The following RYR2 variants were observed in gnomAD, a reference collection of about 807,000 sequenced individuals.
RYR2 encodes the protein ryanodine receptor 2, also known as cardiac muscle ryanodine receptor-calcium release channel.
Under a neutral mutation model 601.1 loss-of-function variants are expected in RYR2, and 227 were observed. The ratio of observed to expected loss-of-function variants is 0.38; its 90% CI spans 0.34 to 0.42. RYR2 has a LOEUF of 0.42. RYR2 is among the 10% of genes least tolerant of loss of function. RYR2 has a pLI of 1.00. For missense variants in RYR2, 4,646 were observed against 6,156.5 expected (o/e 0.75, Z 8.21); for synonymous variants, 2,223 against 2,175.1 (o/e 1.02, Z -0.61).
At chr1:237,466,427 A>G (rs1660093757) in intron 16 of RYR2, among the ~76,000 whole-genome samples, 1 of 152,130 alleles carries the variant, frequency 6.6e-6, no homozygotes, top group Non-Finnish European at 1.5e-5. Flanking sequence ...CTTGGCTCCC[A>G]AAGTACTGGG....
At chr1:237,797,962 G>T (rs1659456073) in intron 96 of RYR2, 75 bp from the exon 97 acceptor site, 2 of 1,269,330 alleles carry the variant, frequency 1.6e-6, no homozygotes, top group African/African-American at 3.1e-5. Flanking sequence ...AAAATAATTA[G>T]ATGTTTTATA....
chr1:237,054,356 G>C (rs1661708988), intron 1 of RYR2, among the ~76,000 whole-genome samples: 2 of 120,720 alleles, frequency 1.7e-5, no homozygotes, highest in African/African-American at 6.4e-5. Flanking sequence ...CATCTGTCAG[G>C]AAAAATGGTA....
intron 17 of RYR2, among the ~76,000 whole-genome samples, chr1:237,482,450 T>C (rs1343911611): frequency 6.7e-6 from 1 of 149,742 alleles, no homozygotes; most frequent in Non-Finnish European, 1.5e-5. Flanking sequence ...AGTGAGAACA[T>C]GTGATGATTG....
At chr1:237,194,637 A>G (rs1169044506) in intron 1 of RYR2, among the ~76,000 whole-genome samples, 3 of 152,334 alleles carry the variant, frequency 2.0e-5, no homozygotes, top group Non-Finnish European at 2.9e-5. Context: ...ACCCTGACCC[A>G]GAGGCGGGTC....
intron 29 of RYR2, among the ~76,000 whole-genome samples, chr1:237,584,049 C>A (rs191259012): frequency 2.0e-5 from 3 of 152,204 alleles, no homozygotes; most frequent in Admixed American, 2.0e-4. Context: ...GATCCACTGC[C>A]AGAATGAAAA....
rs1381076937 is a variant in RYR2 at position 237,493,456 on chromosome 1, T to G, written c.1961+369T>G. Among the ~76,000 whole-genome samples the G allele has an allele frequency of 4.6e-5, 7 of 152,108 alleles. No individual in the cohort carries two copies. In the South Asian group the frequency reaches 1.5e-3, roughly 32 times the overall value. ...AACACTATCCTTCAATATCATTGTTTTTTTCTTTTTTTTTAAGACAGAGTC... is the reference window on the plus strand; with the variant it reads ...AACACTATCCTTCAATATCATTGTTGTTTTCTTTTTTTTTAAGACAGAGTC... On this transcript the variant is annotated intron_variant, in intron 19 of 104. Transcript: ENST00000366574.
Position 237,813,023 on chromosome 1 carries a change from G to A in RYR2, c.14433+3988G>A, listed in dbSNP as rs539076077. 4.0e-5 allele frequency among the ~76,000 whole-genome samples: 6 copies of A among 151,630 alleles called. No homozygotes were observed. In the East Asian group the frequency reaches 1.2e-3, roughly 29 times the overall value. On this transcript the variant is annotated intron_variant, in intron 100 of 104. Coordinates refer to ENST00000366574, the MANE Select transcript of RYR2 (RefSeq NM_001035.3). The stretch of plus-strand genomic sequence containing the variant: ...GCAACACTTTACCCCCTCCTCCCAC[G>A]CCTATTCATTCATTCCAGGCCTAGG...
At chr1:237,441,713 T>C (rs1707917883) in intron 13 of RYR2, among the ~76,000 whole-genome samples, 1 of 152,062 alleles carries the variant, frequency 6.6e-6, no homozygotes. Context: ...AAATATGAAG[T>C]GAAGAAATAT....
chr1:237,084,573 G>A (rs1338096069), intron 1 of RYR2, among the ~76,000 whole-genome samples: 1 of 152,134 alleles, frequency 6.6e-6, no homozygotes, highest in Non-Finnish European at 1.5e-5. Context: ...TGGAAAGGCG[G>A]GGGAGGGGTA....
intron 1 of RYR2, among the ~76,000 whole-genome samples, chr1:237,093,825 C>T (rs1308186560): frequency 6.6e-6 from 1 of 152,198 alleles, no homozygotes; most frequent in Non-Finnish European, 1.5e-5. Flanking sequence ...CTGTGTGCGG[C>T]CTGTGTTTCC....
Position 237,757,744 on chromosome 1 carries a change from A to G in RYR2, c.11293A>G (p.Ile3765Val), listed in dbSNP as rs767346230. 3.1e-6 allele frequency: 5 copies of G among 1,611,946 alleles called. No individual in the cohort carries two copies. In the African/African-American group the frequency reaches 4.0e-5, roughly 13 times the overall value. ...VAATLKLGIA[I>V]LNGGNSTVQQ... ...AGCTACTCTGAAACTTGGAATTGCT[A>G]TTTTAAATGGTGGGAACTCCACAGT... The change falls in exon 82 of 105, where the codon ATT (isoleucine) becomes GTT (valine). Residue 3765 changes from isoleucine to valine, a missense_variant. This residue lies in a region of RYR2 where 1,497 missense variants were observed against 1,842.6 expected (regional missense o/e 0.81). Transcript: ENST00000366574.
chr1:237,661,079 A>G, intron 56 of RYR2, 132 bp downstream of exon 56: 1 of 849,554 alleles, frequency 1.2e-6, no homozygotes, highest in Non-Finnish European at 1.6e-6. Context: ...AAGGGAGAGA[A>G]AAAAGCTATA....
In RYR2 at chr1:237,595,568, A is replaced by G. The variant is rs794728736; in HGVS notation, c.4507A>G (p.Asn1503Asp). Reference protein sequence around the residue: ...SMSPGQGRNNNGLEIGCVVDA... With the variant: ...SMSPGQGRNNDGLEIGCVVDA... ...GAGCCCCGGGCAAGGACGCAACAAT[A>G]ATGGACTGGAGATTGGCTGTGTGGT... The change falls in exon 34 of 105, where the codon AAT becomes GAT. Residue 1503 changes from asparagine to aspartate, a missense_variant. By Grantham distance (23) the Asn-to-Asp change is conservative. This residue lies in a region of RYR2 where 1,807 missense variants were observed against 2,088.1 expected (regional missense o/e 0.87). Coordinates refer to ENST00000366574, the MANE Select transcript of RYR2 (RefSeq NM_001035.3). 2 of 1,613,508 alleles carry G rather than the reference A, an allele frequency of 1.2e-6. No homozygotes were observed. The highest frequency in any genetic ancestry group is 1.7e-6 in the Non-Finnish European group (2 of 1,179,732).
chr1:237,757,874 A>G (rs1573828528), intron 82 of RYR2, 98 bp downstream of exon 82: 4 of 755,220 alleles, frequency 5.3e-6, no homozygotes, highest in East Asian at 2.6e-5. Context: ...TCTATGTACA[A>G]TATGGCTCAA....
At chr1:237,743,874 G>A (rs1450302800) in intron 80 of RYR2, among the ~76,000 whole-genome samples, 1 of 152,168 alleles carries the variant, frequency 6.6e-6, no homozygotes, top group Non-Finnish European at 1.5e-5. Flanking sequence ...GCTGCATACT[G>A]TGCTGGGATA....
rs910582004 is a variant in RYR2 at position 237,173,149 on chromosome 1, A to G, written c.49-97348A>G. ...CTGCAACCCAGGTGCCTTGATATAG[A>G]TGCTGTAGATACGACAAACTACTCT... On this transcript the variant is annotated intron_variant, in intron 1 of 104. Coordinates refer to ENST00000366574, the MANE Select transcript of RYR2 (RefSeq NM_001035.3). Among the ~76,000 whole-genome samples, 4 of 152,220 alleles carry G rather than the reference A, an allele frequency of 2.6e-5. No homozygotes were observed. The East Asian group carries it at 5.8e-4, about 22-fold the overall frequency.
At chr1:237,374,535 G>A (rs900644165) in intron 6 of RYR2, among the ~76,000 whole-genome samples, 182 bp from the exon 7 acceptor site, 4 of 152,164 alleles carry the variant, frequency 2.6e-5, no homozygotes, top group African/African-American at 9.6e-5. Context: ...GCATGTGCCT[G>A]TAGTCCCAGC....
intron 1 of RYR2, among the ~76,000 whole-genome samples, chr1:237,256,519 C>T (rs114451930): frequency 0.048 from 7,268 of 152,238 alleles, 270 homozygotes; most frequent in East Asian, 0.14. Context: ...CTGGCTGTGC[C>T]CTTGACTCCT....
At chr1:237,746,210 T>G (rs559981052) in intron 80 of RYR2, among the ~76,000 whole-genome samples, 47 of 152,160 alleles carry the variant, frequency 3.1e-4, no homozygotes, top group Non-Finnish European at 4.9e-4. Flanking sequence ...AGTGGAGTTA[T>G]TCACATAAGT....
Sources: allele counts gnomAD v4.1 joint callset (sites outside exome capture counted in the v4.1 genomes callset), GRCh38; gene constraint gnomAD v4.1.1; regional missense constraint gnomAD v4.1.1; transcripts MANE v1.5; gene names NCBI Gene and HGNC (gene_info 2026-07-23, HGNC 2026-07-21).